Variants in LINGO2 observed in about 807,000 individuals in gnomAD.
LINGO2 encodes leucine rich repeat and Ig domain containing 2, also known as leucine-rich repeat and immunoglobulin-like domain-containing nogo receptor-interacting protein 2.
Under a neutral mutation model 30.6 loss-of-function variants are expected in LINGO2, and 14 were observed. That is an observed-to-expected ratio of 0.46 (90% CI 0.30 to 0.72). The LOEUF (loss-of-function observed/expected upper bound fraction) is 0.72, where lower values mean the gene tolerates loss of function less well. LINGO2 is among the 30% of genes least tolerant of loss of function. The probability of loss-of-function intolerance (pLI) is 0.07; values close to 1 mark genes in which losing one functional copy is unlikely to be tolerated. For missense variants in LINGO2, 729 were observed against 751.7 expected, an observed-to-expected ratio of 0.97 and a Z score of 0.35; for synonymous variants, 317 against 288.5, an observed-to-expected ratio of 1.10 and a Z score of -1.00.
intron 2 of LINGO2, among the ~76,000 whole-genome samples, chr9:28,387,659 C>T (rs974927512): frequency 2.0e-5 from 3 of 152,208 alleles, no homozygotes; most frequent in African/African-American, 7.2e-5. Flanking sequence ...GAATGAACAA[C>T]TGTGGACGCG....
At chr9:28,987,314 T>C in the LINGO2 span, among the ~76,000 whole-genome samples, 1 of 152,004 alleles carries the variant, frequency 6.6e-6, no homozygotes, top group African/African-American at 2.4e-5. Flanking sequence ...TCTTCTAGGT[T>C]ATCTGATTTG....
intron 4 of LINGO2, among the ~76,000 whole-genome samples, chr9:28,146,548 T>TACCAAAATTTAC (rs1405149239): frequency 7.1e-6 from 1 of 140,350 alleles, no homozygotes; most frequent in Non-Finnish European, 1.6e-5. Context: ...AAAATTTACT[T>TACCAAAATTTAC]AAGTGGTAAA....
At chr9:29,186,837 T>C in the LINGO2 span, among the ~76,000 whole-genome samples, 1 of 152,104 alleles carries the variant, frequency 6.6e-6, no homozygotes, top group Admixed American at 6.5e-5. Flanking sequence ...ATAGCTGTTT[T>C]GAGAATTAAA....
At chr9:28,491,653 C>G (rs1331900) in intron 1 of LINGO2, among the ~76,000 whole-genome samples, 43,646 of 152,110 alleles carry the variant, frequency 0.29, 7,467 homozygotes, top group Middle Eastern at 0.39. Flanking sequence ...AAATGGAAAC[C>G]TGTGCCTTTC....
the LINGO2 span, among the ~76,000 whole-genome samples, chr9:29,189,631 G>A: frequency 6.6e-6 from 1 of 152,130 alleles, no homozygotes; most frequent in Non-Finnish European, 1.5e-5. Context: ...GGCAGAGGCT[G>A]CAATCTCGGC....
chr9:28,110,137 A>T (rs1036328148), intron 4 of LINGO2, among the ~76,000 whole-genome samples: 4 of 152,212 alleles, frequency 2.6e-5, no homozygotes, highest in Non-Finnish European at 5.9e-5. Context: ...AAAAACAAGC[A>T]ATGGGGAAAA....
At chr9:28,038,446 C>A (rs1431867871) in intron 4 of LINGO2, among the ~76,000 whole-genome samples, 3 of 152,140 alleles carry the variant, frequency 2.0e-5, no homozygotes, top group Admixed American at 2.0e-4. Flanking sequence ...GTAATCCCAG[C>A]ACTTTGGGAG....
At chr9:28,931,941 C>A in the LINGO2 span, among the ~76,000 whole-genome samples, 1 of 151,112 alleles carries the variant, frequency 6.6e-6, no homozygotes, top group Non-Finnish European at 1.5e-5. Flanking sequence ...AACCCCATCT[C>A]TACTAAAAAT....
chr9:27,975,163 A>C (rs2118824786), intron 5 of LINGO2, among the ~76,000 whole-genome samples: 1 of 152,230 alleles, frequency 6.6e-6, no homozygotes, highest in Non-Finnish European at 1.5e-5. Flanking sequence ...ATGAGAGATA[A>C]ATTCTGTGTG....
At chr9:29,149,602 G>A in the LINGO2 span, among the ~76,000 whole-genome samples, 1 of 152,026 alleles carries the variant, frequency 6.6e-6, no homozygotes, top group South Asian at 2.1e-4. Context: ...AGCTCCTAGG[G>A]AAGAGGTGAG....
the LINGO2 span, among the ~76,000 whole-genome samples, chr9:28,870,418 A>T: frequency 6.6e-6 from 1 of 152,142 alleles, no homozygotes; most frequent in Admixed American, 6.6e-5. Context: ...TTCTTGTTCA[A>T]TCTTAGACAC....
In LINGO2 at chr9:28,055,889, T is replaced by C. The variant is rs543071167; in HGVS notation, c.-86-43484A>G. Among the ~76,000 whole-genome samples the C allele has an allele frequency of 1.1e-4, 17 of 152,278 alleles. No homozygotes were observed. In the East Asian group the frequency reaches 2.7e-3, roughly 24 times the overall value. ...AAGGAGGCATTTGGCAAAAGTTAAA[T>C]GTGGCTGATTACCACGATTACTTCT... On this transcript the variant is annotated intron_variant, in intron 4 of 5. Transcript: ENST00000379992.
intron 1 of LINGO2, among the ~76,000 whole-genome samples, chr9:28,582,855 A>G (rs999979350): frequency 6.6e-6 from 1 of 152,080 alleles, no homozygotes. Flanking sequence ...TTAGTTTTGA[A>G]TTGGACTTGT....
the LINGO2 span, among the ~76,000 whole-genome samples, chr9:28,824,068 G>A: frequency 1.1e-4 from 16 of 152,234 alleles, no homozygotes; most frequent in South Asian, 3.3e-3. Context: ...CACTAAAATT[G>A]TAAATTTATG....
chr9:28,228,932 A>T (rs776570682), intron 4 of LINGO2, among the ~76,000 whole-genome samples: 29 of 151,780 alleles, frequency 1.9e-4, no homozygotes, highest in Non-Finnish European at 4.1e-4. Flanking sequence ...AGAAATTAAA[A>T]TTTTTCTTTT....
intron 4 of LINGO2, among the ~76,000 whole-genome samples, chr9:28,162,476 T>C (rs1198146200): frequency 3.9e-5 from 6 of 152,114 alleles, no homozygotes; most frequent in African/African-American, 1.4e-4. Flanking sequence ...GAGGCAGAGA[T>C]GTGATGTAAT....
the LINGO2 span, among the ~76,000 whole-genome samples, chr9:28,992,952 G>T: frequency 0.025 from 3,751 of 151,312 alleles, 129 homozygotes; most frequent in African/African-American, 0.085. Flanking sequence ...ACAATTAAAA[G>T]AACTAGAAAA....
intron 4 of LINGO2, among the ~76,000 whole-genome samples, chr9:28,224,741 T>G (rs1314886636): frequency 1.3e-5 from 2 of 152,160 alleles, no homozygotes; most frequent in African/African-American, 4.8e-5. Context: ...ATGAAAATAT[T>G]AATGACATTC....
intron 3 of LINGO2, among the ~76,000 whole-genome samples, chr9:28,307,122 A>G (rs533087487): frequency 6.6e-5 from 10 of 152,268 alleles, no homozygotes; most frequent in Admixed American, 6.5e-4. Context: ...CAGAGACACA[A>G]CAAAAAAAGA....
Sources: gnomAD v4.1 joint callset for allele counts (sites outside exome capture counted in the v4.1 genomes callset) on GRCh38, gnomAD v4.1.1 for gene constraint, MANE v1.5 for transcripts, NCBI Gene and HGNC (gene_info 2026-07-23, HGNC 2026-07-21) for gene names.